CNTN5: variants seen among roughly 807,000 people sequenced by gnomAD.
The protein encoded by CNTN5 is contactin 5.
Under a neutral mutation model 129.1 loss-of-function variants are expected in CNTN5, and 77 were observed. The ratio of observed to expected loss-of-function variants is 0.60; its 90% confidence interval spans 0.50 to 0.72. The LOEUF is 0.72. Among genes scored for constraint, CNTN5 ranks in the 30% least tolerant of loss-of-function variants. The pLI is 0.00. For synonymous variants in CNTN5, 509 were observed against 465.6 expected, an observed-to-expected ratio of 1.09 and a Z score of -1.20; for missense variants, 1,478 against 1,328.8, an observed-to-expected ratio of 1.11 and a Z score of -1.75.
intron 1 of CNTN5, among the ~76,000 whole-genome samples, chr11:99,163,391 GAAT>G (rs1169838869): frequency 2.6e-5 from 1 of 39,076 alleles, no homozygotes; most frequent in Non-Finnish European, 4.4e-5. Context: ...TTGTTCACTA[GAAT>G]AATATTATTT....
intron 3 of CNTN5, among the ~76,000 whole-genome samples, chr11:99,674,147 A>T (rs1208690322): frequency 2.0e-5 from 3 of 152,176 alleles, no homozygotes; most frequent in Non-Finnish European, 1.5e-5. Flanking sequence ...AAGCATAGCC[A>T]TTCTAACTGA....
At chr11:99,046,814 C>A (rs760383004) in intron 1 of CNTN5, among the ~76,000 whole-genome samples, 2 of 151,978 alleles carry the variant, frequency 1.3e-5, no homozygotes, top group South Asian at 4.1e-4. Flanking sequence ...ACTAATAATG[C>A]AATAAATATA....
chr11:99,823,385 C>T (rs565041295), intron 4 of CNTN5, among the ~76,000 whole-genome samples: 24 of 152,148 alleles, frequency 1.6e-4, no homozygotes, highest in Middle Eastern at 3.4e-3. Flanking sequence ...AAGCCAGTTC[C>T]TACATTCAGC....
intron 3 of CNTN5, among the ~76,000 whole-genome samples, chr11:99,568,876 T>C (rs1949087854): frequency 6.6e-6 from 1 of 152,222 alleles, no homozygotes; most frequent in Non-Finnish European, 1.5e-5. Flanking sequence ...TCTGATAATA[T>C]TTAACATAGA....
chr11:99,723,843 T>C (rs1380776946), intron 3 of CNTN5, among the ~76,000 whole-genome samples: 1 of 152,118 alleles, frequency 6.6e-6, no homozygotes, highest in African/African-American at 2.4e-5. Context: ...ATAATCTTCC[T>C]TTTACAAATG....
intron 6 of CNTN5, among the ~76,000 whole-genome samples, chr11:99,849,946 C>CT (rs1947819394): frequency 6.6e-6 from 1 of 152,006 alleles, no homozygotes; most frequent in African/African-American, 2.4e-5. Context: ...AAATTGGAAT[C>CT]TTTTTAAAAA....
chr11:99,550,653 G>T (rs1174696538), intron 2 of CNTN5, among the ~76,000 whole-genome samples: 1 of 152,000 alleles, frequency 6.6e-6, no homozygotes, highest in Non-Finnish European at 1.5e-5. Context: ...CATGCAAGTG[G>T]GAGTAGAAAC....
intron 4 of CNTN5, among the ~76,000 whole-genome samples, chr11:99,837,250 T>C (rs868121550): frequency 1.6e-4 from 25 of 152,212 alleles, no homozygotes; most frequent in African/African-American, 6.0e-4. Flanking sequence ...TCTTCTTTAA[T>C]AGTTTAAAAT....
intron 21 of CNTN5, among the ~76,000 whole-genome samples, chr11:100,321,422 G>A (rs542957271): frequency 1.3e-5 from 2 of 150,942 alleles, no homozygotes; most frequent in East Asian, 3.9e-4. Flanking sequence ...TAATTTTCAT[G>A]AATTTGCTTA....
chr11:99,845,152 C>T lies in CNTN5; in HGVS notation c.467C>T (p.Thr156Ile). ...SDYRYSLIDG[T>I]FIISNPSEAK... ...TATCGCTACAGTTTGATAGATGGCACCTTCATTATAAGCAATCCAAGTGAA... is the reference window on the plus strand; with the variant it reads ...TATCGCTACAGTTTGATAGATGGCATCTTCATTATAAGCAATCCAAGTGAA... The change falls in exon 6 of 25, where the codon ACC becomes ATC. Residue 156 changes from threonine (T) to isoleucine (I), a missense_variant. Coordinates refer to ENST00000524871, the MANE Select transcript of CNTN5 (RefSeq NM_014361.4). 2.5e-6 allele frequency: 4 copies of T among 1,613,642 alleles called. No homozygotes were observed. The highest frequency in any genetic ancestry group is 3.4e-6 in the Non-Finnish European group (4 of 1,179,822).
chr11:99,684,816 C>A (rs567253865), intron 3 of CNTN5, among the ~76,000 whole-genome samples: 1 of 151,552 alleles, frequency 6.6e-6, no homozygotes, highest in African/African-American at 2.4e-5. Flanking sequence ...TATTTTGGTT[C>A]TTGATATGAA....
At chr11:100,280,926 CTGTT>C (rs1173448762) in intron 18 of CNTN5, among the ~76,000 whole-genome samples, 2 of 152,098 alleles carry the variant, frequency 1.3e-5, no homozygotes, top group African/African-American at 4.8e-5. Context: ...TAACTTATCA[CTGTT>C]TGCAAACAAA....
chr11:99,245,031 A>G (rs971520435), intron 1 of CNTN5, among the ~76,000 whole-genome samples: 4 of 152,238 alleles, frequency 2.6e-5, no homozygotes, highest in African/African-American at 4.8e-5. Context: ...TATACTTGCA[A>G]GATTAGTTAT....
chr11:99,951,482 C>T (rs1458133693), intron 7 of CNTN5, among the ~76,000 whole-genome samples: 1 of 152,028 alleles, frequency 6.6e-6, no homozygotes, highest in African/African-American at 2.4e-5. Context: ...ACTTGAGCTG[C>T]CAATCAGCTT....
chr11:100,250,601 A>C (rs1949944610), intron 16 of CNTN5, among the ~76,000 whole-genome samples: 1 of 152,144 alleles, frequency 6.6e-6, no homozygotes, highest in South Asian at 2.1e-4. Context: ...ATTATAAATA[A>C]TTACACAGCC....
chr11:99,741,750 C>T (rs996410681), intron 3 of CNTN5, among the ~76,000 whole-genome samples: 1 of 152,074 alleles, frequency 6.6e-6, no homozygotes, highest in Non-Finnish European at 1.5e-5. Flanking sequence ...TTAGAAAGTT[C>T]ATTTAAATGA....
At chr11:99,509,093 A>G (rs55961911) in intron 2 of CNTN5, among the ~76,000 whole-genome samples, 42,438 of 152,096 alleles carry the variant, frequency 0.28, 6,251 homozygotes, top group Non-Finnish European at 0.3. Flanking sequence ...TGGGGGGAAT[A>G]TATCTTAGAA....
At chr11:100,285,677 G>A (rs533380279) in intron 18 of CNTN5, among the ~76,000 whole-genome samples, 42 of 152,146 alleles carry the variant, frequency 2.8e-4, no homozygotes, top group African/African-American at 7.0e-4. Flanking sequence ...ACTGTATTCC[G>A]TCCCTTCATT....
intron 1 of CNTN5, among the ~76,000 whole-genome samples, chr11:99,305,040 A>G (rs1478879654): frequency 6.6e-6 from 1 of 152,200 alleles, no homozygotes; most frequent in Non-Finnish European, 1.5e-5. Context: ...AACCCTTAAG[A>G]ATACCCTCTT....
Sources: allele counts gnomAD v4.1 joint callset (sites outside exome capture counted in the v4.1 genomes callset), GRCh38; gene constraint gnomAD v4.1.1; transcripts MANE v1.5; gene names NCBI Gene and HGNC (gene_info 2026-07-23, HGNC 2026-07-21).